Variants in AGAP1 observed in about 807,000 individuals in gnomAD.
AGAP1 encodes the protein ArfGAP with GTPase domain, ankyrin repeat and PH domain 1, also known as arf-GAP with GTPase, ANK repeat and PH domain-containing protein 1.
A neutral mutation model predicts 105.3 loss-of-function variants in AGAP1; 29 were observed. That is an observed-to-expected ratio of 0.28 (90% CI 0.21 to 0.38). The LOEUF (loss-of-function observed/expected upper bound fraction) is 0.38, where lower values mean the gene tolerates loss of function less well. Among genes scored for constraint, AGAP1 ranks in the 10% least tolerant of loss-of-function variants. The pLI is 1.00. For missense variants in AGAP1, 998 were observed against 1,165.1 expected (o/e 0.86, Z 2.09); for synonymous variants, 509 against 485.9 (o/e 1.05, Z -0.63).
intron 12 of AGAP1, among the ~76,000 whole-genome samples, chr2:235,945,573 T>A (rs905219811): frequency 8.0e-6 from 1 of 124,880 alleles, no homozygotes; most frequent in Non-Finnish European, 1.6e-5. Context: ...ATAATATCTT[T>A]GCATTTTCCC....
chr2:235,709,384 G>C (rs1017971198), intron 2 of AGAP1, 147 bp downstream of exon 2: 2 of 924,550 alleles, frequency 2.2e-6, no homozygotes, highest in Non-Finnish European at 3.4e-6. Flanking sequence ...GCCAGGTATA[G>C]TTGATAGCTT....
intron 9 of AGAP1, among the ~76,000 whole-genome samples, chr2:235,820,499 A>G (rs189856141): frequency 2.1e-4 from 32 of 152,344 alleles, no homozygotes; most frequent in African/African-American, 6.5e-4. Context: ...ATGTCTTCAC[A>G]TACAAAATTT....
chr2:235,643,936 T>G (rs185677401), intron 1 of AGAP1, among the ~76,000 whole-genome samples: 28 of 152,248 alleles, frequency 1.8e-4, no homozygotes, highest in African/African-American at 6.5e-4. Flanking sequence ...ACTGATTATC[T>G]ACTCAAAGGA....
chr2:236,072,124 G>A (rs894009108), intron 16 of AGAP1, among the ~76,000 whole-genome samples: 1 of 142,378 alleles, frequency 7.0e-6, no homozygotes, highest in East Asian at 2.1e-4. Context: ...CTTCGTTGTG[G>A]GTTTTTTTTT....
chr2:235,677,805 C>G (rs955899617), intron 1 of AGAP1, among the ~76,000 whole-genome samples: 1 of 151,324 alleles, frequency 6.6e-6, no homozygotes, highest in African/African-American at 2.4e-5. Context: ...CTCTCTGACT[C>G]CTACACAGGA....
At position 235,750,592 on chromosome 2, in the gene AGAP1, G is replaced by A. The variant is rs922649441; in HGVS notation, c.673+104G>A. On this transcript the variant is annotated intron_variant, in intron 6 of 17. Coordinates refer to ENST00000304032, the MANE Select transcript of AGAP1 (RefSeq NM_001037131.3). This position sits in a 1 kb window ranked among gnomAD's most constrained non-coding sequence, Gnocchi z 5.3. ...TTGTGCATGTGGGTGGTGGAAATAT[G>A]TCGTTGATGGGTGGGCATTAGTATC... 4 of 1,533,360 alleles carry A rather than the reference G, an allele frequency of 2.6e-6. No homozygotes were observed. Among genetic ancestry groups the A allele is most frequent in the Non-Finnish European group, 3.6e-6 (4 of 1,115,232 alleles). The allele number at this position is 1,533,360 out of a possible 1,614,324, so 95.0% of individuals were successfully genotyped here.
rs1422202273 is a variant in AGAP1, at chr2:235,855,515, TAAA to T, written c.1051-27828_1051-27826del. On this transcript the variant is annotated intron_variant, in intron 9 of 17. Coordinates refer to ENST00000304032, the MANE Select transcript of AGAP1 (RefSeq NM_001037131.3). This position sits in a 1 kb window ranked among gnomAD's most constrained non-coding sequence, Gnocchi z 5.0. ...TACGTTCAGTATGTTTTTGAAGTCA[TAAA>T]AGTTGAGTTATAGTAAATTTAAAAT... Among the ~76,000 whole-genome samples, 8 of 152,368 alleles carry T rather than the reference TAAA, an allele frequency of 5.3e-5. 1 individual carries two copies. The East Asian group carries it at 1.3e-3, about 26-fold the overall frequency.
chr2:236,065,672 A>G (rs2058327262), intron 16 of AGAP1, among the ~76,000 whole-genome samples: 1 of 152,232 alleles, frequency 6.6e-6, no homozygotes, highest in Non-Finnish European at 1.5e-5. Context: ...GTGGGGTCCC[A>G]TTGTTGCCGG....
rs985818457 is a variant in AGAP1 at position 235,753,692 on chromosome 2, C to T, written c.673+3204C>T. ...TTGCGCTCCATCCTGGGTGACAGAG[C>T]GAGACTCTGTCTCAAAAAAAAAAAA... On this transcript the variant is annotated intron_variant, in intron 6 of 17. Transcript: ENST00000304032. This position sits in a 1 kb window ranked among gnomAD's most constrained non-coding sequence, Gnocchi z 4.5. Among the ~76,000 whole-genome samples, 37 of 148,946 alleles carry T rather than the reference C, an allele frequency of 2.5e-4. No individual in the cohort carries two copies. Among genetic ancestry groups the T allele is most frequent in the African/African-American group, 8.5e-4 (34 of 40,226 alleles).
Position 236,056,756 on chromosome 2 carries a change from G to A in AGAP1, c.2114+7475G>A, listed in dbSNP as rs1355705701. Among the ~76,000 whole-genome samples, 1 of 152,172 alleles carries A rather than the reference G, an allele frequency of 6.6e-6. No homozygotes were observed. Among genetic ancestry groups the A allele is most frequent in the African/African-American group, 2.4e-5 (1 of 41,432 alleles). ...ACATGGCCGGAGCACACAGCGCCCT[G>A]TGTGCTTGGATTATCCCCATTCCCA... On this transcript the variant is annotated intron_variant, in intron 16 of 17. Transcript: ENST00000304032. This position sits in a 1 kb window ranked among gnomAD's most constrained non-coding sequence, Gnocchi z 4.6.
In AGAP1 at chr2:235,799,271, G is replaced by T; in HGVS notation, c.802-96G>T. ...CCATTCCCATGCATCCCTTCCATGGGGCTCATGCTCACTTGTTGGTTATGA... is the reference window on the plus strand; with the variant it reads ...CCATTCCCATGCATCCCTTCCATGGTGCTCATGCTCACTTGTTGGTTATGA... On this transcript the variant is annotated intron_variant, in intron 7 of 17. Transcript: ENST00000304032. This position sits in a 1 kb window ranked among gnomAD's most constrained non-coding sequence, Gnocchi z 5.0. 7.1e-7 allele frequency: 1 copy of T among 1,412,698 alleles called. No individual in the cohort carries two copies. Among genetic ancestry groups the T allele is most frequent in the Non-Finnish European group, 9.8e-7 (1 of 1,025,070 alleles). 87.5% of individuals were successfully genotyped at this position (1,412,698 alleles called of 1,614,324 possible). A position where few individuals can be genotyped will look rare whatever the true frequency, so the allele number is the denominator to read the frequency against.
At position 235,877,748 on chromosome 2, in the gene AGAP1, T is replaced by C. The variant is rs774560302; in HGVS notation, c.1051-5597T>C. 1.3e-5 allele frequency among the ~76,000 whole-genome samples: 2 copies of C among 152,218 alleles called. No homozygotes were observed. The highest frequency in any genetic ancestry group is 4.8e-5 in the African/African-American group (2 of 41,466). ...TTCCAGAGAAAATGACAGGTTTCCCTTGCATCTCAAATTTGCTCAGACCGT... is the reference window on the plus strand; with the variant it reads ...TTCCAGAGAAAATGACAGGTTTCCCCTGCATCTCAAATTTGCTCAGACCGT... On this transcript the variant is annotated intron_variant, in intron 9 of 17. Transcript: ENST00000304032. The surrounding 1 kb of genome is among the most constrained non-coding windows in gnomAD (Gnocchi z 4.3).
Position 235,494,128 on chromosome 2 carries a change from G to A in AGAP1, c.-559G>A, listed in dbSNP as rs1466861591. The A allele has an allele frequency of 6.9e-6, 1 of 145,348 alleles. No individual in the cohort carries two copies. Among genetic ancestry groups the A allele is most frequent in the Non-Finnish European group, 1.5e-5 (1 of 65,222 alleles). The allele number at this position is 145,348 out of a possible 1,614,324, so 9.0% of individuals were successfully genotyped here. On this transcript the variant is annotated 5_prime_UTR_variant, in exon 1 of 18. Transcript: ENST00000304032. ...GCTCCGCGGCTTGCAAGGCGCCTGC[G>A]ACTCGGTCCCAGGTCGGCGGGCGGC... is the stretch of plus-strand genomic sequence containing the variant.
At position 235,867,303 on chromosome 2, in the gene AGAP1, G is replaced by T. The variant is rs553530142; in HGVS notation, c.1051-16042G>T. Among the ~76,000 whole-genome samples the T allele has an allele frequency of 9.9e-5, 15 of 152,278 alleles. No homozygotes were observed. The highest frequency in any genetic ancestry group is 3.4e-4 in the African/African-American group (14 of 41,558). ...TCTCCTGAACTACCTACCTCTCCCA[G>T]TTCAGGGCAAATGCAGCCATTCCAA... On this transcript the variant is annotated intron_variant, in intron 9 of 17. Transcript: ENST00000304032. This position sits in a 1 kb window ranked among gnomAD's most constrained non-coding sequence, Gnocchi z 5.4.
chr2:235,707,472 A>ACCCCCCCC (rs1250772330), intron 1 of AGAP1, among the ~76,000 whole-genome samples: 2 of 22,408 alleles, frequency 8.9e-5, no homozygotes, highest in African/African-American at 2.0e-4. Flanking sequence ...CCTCCCCATG[A>ACCCCCCCC]CCCCCCCCCC....
At chr2:235,869,893 G>C (rs1444252175) in intron 9 of AGAP1, among the ~76,000 whole-genome samples, 1 of 152,206 alleles carries the variant, frequency 6.6e-6, no homozygotes, top group African/African-American at 2.4e-5. Context: ...AGGATAGTCT[G>C]ACCTCTTAAC....
rs992684925 is a variant in AGAP1 at position 235,801,414 on chromosome 2, A to G, written c.957+1892A>G. ...TCGTGTTAAGCATATGTGATAGATT[A>G]GGAGGTGGGTATTTAGGTTTCTGTA... On this transcript the variant is annotated intron_variant, in intron 8 of 17. Coordinates refer to ENST00000304032, the MANE Select transcript of AGAP1 (RefSeq NM_001037131.3). This position sits in a 1 kb window ranked among gnomAD's most constrained non-coding sequence, Gnocchi z 6.0. 6.6e-6 allele frequency among the ~76,000 whole-genome samples: 1 copy of G among 152,122 alleles called. No homozygotes were observed. The highest frequency in any genetic ancestry group is 2.4e-5 in the African/African-American group (1 of 41,430).
rs773181308 is a variant in AGAP1, at chr2:236,123,929, A to C, written c.2381A>C (p.Asp794Ala). Residue 794 changes from aspartate (D) to alanine (A), a missense_variant, in exon 18 of 18, where the codon GAC becomes GCC. Asp to Ala is a moderately radical substitution (Grantham distance 126). Coordinates refer to ENST00000304032, the MANE Select transcript of AGAP1 (RefSeq NM_001037131.3). The surrounding 1 kb of genome is among the most constrained non-coding windows in gnomAD (Gnocchi z 4.6). ...CCCTTACCTCCGCAGTACGGAGTGGACGTCACGGCCCGAGATGCCCACGGG... is the reference window on the plus strand; with the variant it reads ...CCCTTACCTCCGCAGTACGGAGTGGCCGTCACGGCCCGAGATGCCCACGGG... Reference protein sequence around the residue: ...LAQLLIWYGVDVTARDAHGNT... With the variant: ...LAQLLIWYGVAVTARDAHGNT... The C allele has an allele frequency of 6.2e-7, 1 of 1,612,948 alleles. No individual in the cohort carries two copies. Among genetic ancestry groups the C allele is most frequent in the Admixed American group, 1.7e-5 (1 of 60,008 alleles).
At chr2:235,541,445 T>C (rs1943435497) in intron 1 of AGAP1, among the ~76,000 whole-genome samples, 1 of 140,344 alleles carries the variant, frequency 7.1e-6, no homozygotes, top group African/African-American at 2.7e-5. Flanking sequence ...TGGAGTGCAG[T>C]GGCGCGATCT....
Sources: gnomAD v4.1 joint callset for allele counts (sites outside exome capture counted in the v4.1 genomes callset) on GRCh38, gnomAD v4.1.1 for gene constraint, Gnocchi (gnomAD v3.1) non-coding constraint, MANE v1.5 for transcripts, NCBI Gene and HGNC (gene_info 2026-07-23, HGNC 2026-07-21) for gene names.